Variants in ZBTB7C observed in about 807,000 individuals in gnomAD.
ZBTB7C encodes the protein zinc finger and BTB domain containing 7C.
In ZBTB7C, 8 loss-of-function variants were observed where a neutral mutation model predicts 25.7. That is an observed-to-expected ratio of 0.31 (90% CI 0.18 to 0.56). The LOEUF (loss-of-function observed/expected upper bound fraction) is 0.56, where lower values mean the gene tolerates loss of function less well. Among genes scored for constraint, ZBTB7C ranks in the 20% least tolerant of loss-of-function variants. ZBTB7C has a pLI of 0.91. For synonymous variants in ZBTB7C, 394 were observed against 369.0 expected (o/e 1.07, Z -0.78); for missense variants, 824 against 855.2 (o/e 0.96, Z 0.46).
At chr18:48,232,870 C>T (rs1392530510) in intron 2 of ZBTB7C, among the ~76,000 whole-genome samples, 1 of 152,178 alleles carries the variant, frequency 6.6e-6, no homozygotes, top group Non-Finnish European at 1.5e-5. Context: ...AACAGATAAA[C>T]AGCATGCCAT....
At chr18:48,287,057 G>A (rs1039362275) in intron 2 of ZBTB7C, among the ~76,000 whole-genome samples, 10 of 151,974 alleles carry the variant, frequency 6.6e-5, no homozygotes, top group South Asian at 2.1e-4. Flanking sequence ...GAGCAGTTTC[G>A]GATAACTCCA....
intron 2 of ZBTB7C, among the ~76,000 whole-genome samples, chr18:48,188,152 G>A (rs1170189041): frequency 1.3e-5 from 2 of 152,154 alleles, no homozygotes; most frequent in Non-Finnish European, 2.9e-5. Flanking sequence ...GAGACTCACT[G>A]GGACCAAAGG....
intron 4 of ZBTB7C, among the ~76,000 whole-genome samples, chr18:48,031,747 C>T (rs557894549): frequency 5.3e-5 from 8 of 152,332 alleles, no homozygotes; most frequent in East Asian, 3.9e-4. Context: ...TGAGAACCAC[C>T]GGTCTAGGCA....
At chr18:48,110,644 G>A (rs1252811552) in intron 3 of ZBTB7C, among the ~76,000 whole-genome samples, 1 of 152,198 alleles carries the variant, frequency 6.6e-6, no homozygotes, top group Non-Finnish European at 1.5e-5. Context: ...ACACGGTTCT[G>A]AATGTTGCTT....
intron 2 of ZBTB7C, among the ~76,000 whole-genome samples, chr18:48,333,848 G>A (rs548011688): frequency 3.3e-5 from 5 of 152,284 alleles, no homozygotes; most frequent in Admixed American, 3.3e-4. Flanking sequence ...ACCACACACA[G>A]TCAAATGTGG....
intron 2 of ZBTB7C, among the ~76,000 whole-genome samples, chr18:48,200,500 C>A (rs927355395): frequency 2.6e-5 from 4 of 152,172 alleles, no homozygotes; most frequent in African/African-American, 9.7e-5. Flanking sequence ...ATATCTCATA[C>A]CACAAGCATC....
chr18:48,217,536 C>CCTCTGCTCTACA (rs1568309293), intron 2 of ZBTB7C, among the ~76,000 whole-genome samples: 2 of 152,160 alleles, frequency 1.3e-5, no homozygotes, highest in African/African-American at 4.8e-5. Flanking sequence ...CCCTAGCCAG[C>CCTCTGCTCTACA]CACCCTGAAG....
chr18:48,121,955 G>A (rs1057291299), intron 3 of ZBTB7C, among the ~76,000 whole-genome samples: 1 of 152,182 alleles, frequency 6.6e-6, no homozygotes, highest in Non-Finnish European at 1.5e-5. Flanking sequence ...CAGCATTAAG[G>A]CCTGAGCTGA....
At chr18:48,154,733 G>C (rs72922129) in intron 3 of ZBTB7C, among the ~76,000 whole-genome samples, 22,990 of 152,066 alleles carry the variant, frequency 0.15, 1,949 homozygotes, top group South Asian at 0.25. Flanking sequence ...ATCCCATAAT[G>C]CACTCGCCCT....
intron 2 of ZBTB7C, among the ~76,000 whole-genome samples, chr18:48,222,729 T>A (rs755145265): frequency 6.6e-6 from 1 of 152,140 alleles, no homozygotes; most frequent in Non-Finnish European, 1.5e-5. Flanking sequence ...ATGACTGATA[T>A]GAGACCATTA....
chr18:48,079,093 T>C (rs961714416), intron 3 of ZBTB7C, among the ~76,000 whole-genome samples: 2 of 152,254 alleles, frequency 1.3e-5, no homozygotes, highest in African/African-American at 2.4e-5. Context: ...TGAGGAATTA[T>C]AGAATTTCTA....
intron 3 of ZBTB7C, among the ~76,000 whole-genome samples, chr18:48,170,193 T>C (rs548830893): frequency 6.6e-6 from 1 of 152,362 alleles, no homozygotes; most frequent in South Asian, 2.1e-4. Flanking sequence ...CACCAGCAAG[T>C]GGACCAAAGA....
chr18:48,117,072 G>C (rs1289442517), intron 3 of ZBTB7C, among the ~76,000 whole-genome samples: 1 of 152,250 alleles, frequency 6.6e-6, no homozygotes, highest in East Asian at 1.9e-4. Flanking sequence ...GGCGTGGTTA[G>C]AGCTGTGAAT....
chr18:48,190,182 C>T (rs575291049), intron 2 of ZBTB7C, among the ~76,000 whole-genome samples: 7 of 152,312 alleles, frequency 4.6e-5, no homozygotes, highest in African/African-American at 1.7e-4. Context: ...GCCACAAACA[C>T]TCTTGCCCCC....
intron 2 of ZBTB7C, among the ~76,000 whole-genome samples, chr18:48,333,469 C>G (rs2046386493): frequency 6.6e-6 from 1 of 152,046 alleles, no homozygotes; most frequent in African/African-American, 2.4e-5. Flanking sequence ...ACTCTCATGC[C>G]CATTTAATAG....
At chr18:48,217,525 C>A (rs903751867) in intron 2 of ZBTB7C, among the ~76,000 whole-genome samples, 3 of 152,162 alleles carry the variant, frequency 2.0e-5, no homozygotes, top group Non-Finnish European at 2.9e-5. Context: ...GCTCTACACA[C>A]CCCTAGCCAG....
chr18:48,249,860 T>C (rs963409254), intron 2 of ZBTB7C, among the ~76,000 whole-genome samples: 2 of 152,206 alleles, frequency 1.3e-5, no homozygotes, highest in East Asian at 1.9e-4. Flanking sequence ...TGCAGAAATA[T>C]GTCGAACAAA....
chr18:48,198,238 C>T (rs549115090), intron 2 of ZBTB7C, among the ~76,000 whole-genome samples: 1 of 152,246 alleles, frequency 6.6e-6, no homozygotes, highest in Admixed American at 6.5e-5. Context: ...TTCCTAGAAT[C>T]ACCCCATCTA....
intron 1 of ZBTB7C, among the ~76,000 whole-genome samples, chr18:48,369,431 A>G (rs904160877): frequency 6.6e-6 from 1 of 152,172 alleles, no homozygotes; most frequent in Non-Finnish European, 1.5e-5. Flanking sequence ...TTAAGCCCTA[A>G]CATATCAATA....
Sources: allele counts gnomAD v4.1 joint callset (sites outside exome capture counted in the v4.1 genomes callset), GRCh38; gene constraint gnomAD v4.1.1; transcripts MANE v1.5; gene names NCBI Gene and HGNC (gene_info 2026-07-23, HGNC 2026-07-21).